The following QTGAL variants were observed in gnomAD, a reference collection of about 807,000 sequenced individuals.
QTGAL encodes the protein queuosine-tRNA galactosyltransferase, also known as BGnT-like protein 1.
chr17:83,021,571 A>G, the QTGAL span, among the ~76,000 whole-genome samples: 1 of 152,250 alleles, frequency 6.6e-6, no homozygotes, highest in African/African-American at 2.4e-5. Flanking sequence ...TAGAAGACTC[A>G]ATACTAAGAT....
the QTGAL span, among the ~76,000 whole-genome samples, chr17:82,969,212 T>A: frequency 6.6e-6 from 1 of 151,722 alleles, no homozygotes; most frequent in Non-Finnish European, 1.5e-5. Context: ...CAGGCTGGAG[T>A]GCAGTGGCGC....
the QTGAL span, among the ~76,000 whole-genome samples, chr17:83,050,516 G>A: frequency 2.0e-5 from 3 of 152,114 alleles, no homozygotes; most frequent in Admixed American, 2.0e-4. Context: ...GATAGACCTT[G>A]ATTCACCTGT....
Sources: gnomAD v4.1 joint callset for allele counts (sites outside exome capture counted in the v4.1 genomes callset) on GRCh38, gnomAD v4.1.1 for gene constraint, MANE v1.5 for transcripts, NCBI Gene and HGNC (gene_info 2026-07-23, HGNC 2026-07-21) for gene names.